Variants in CCDC192 observed in about 807,000 individuals in gnomAD.
CCDC192 encodes the protein coiled-coil domain containing 192.
At chr5:127,749,913 A>C (rs1754032828) in intron 2 of CCDC192, among the ~76,000 whole-genome samples, 2 of 152,134 alleles carry the variant, frequency 1.3e-5, no homozygotes. Context: ...AGGTGTTTAT[A>C]GTATTCTCTG....
At chr5:127,728,533 G>A (rs1752462416) in intron 2 of CCDC192, among the ~76,000 whole-genome samples, 1 of 152,186 alleles carries the variant, frequency 6.6e-6, no homozygotes, top group Admixed American at 6.5e-5. Context: ...CTTTGCAGGA[G>A]CTCCTGAAGG....
intron 6 of CCDC192, among the ~76,000 whole-genome samples, chr5:127,899,461 C>T (rs7725021): frequency 0.43 from 65,182 of 151,602 alleles, 14,309 homozygotes; most frequent in African/African-American, 0.46. Context: ...ATCATAAAGC[C>T]TCAAGGTTGG....
intron 3 of CCDC192, among the ~76,000 whole-genome samples, chr5:127,795,443 T>A (rs1432325875): frequency 6.6e-6 from 1 of 152,160 alleles, no homozygotes; most frequent in African/African-American, 2.4e-5. Flanking sequence ...CTCTGTTGTT[T>A]AAACTCATGT....
intron 6 of CCDC192, among the ~76,000 whole-genome samples, chr5:127,907,569 A>G (rs985132902): frequency 2.9e-4 from 44 of 152,188 alleles, no homozygotes; most frequent in African/African-American, 1.0e-3. Context: ...TGCTTTTAAA[A>G]TAAATGTTAA....
At position 127,798,099 on chromosome 5, in the gene CCDC192, T is replaced by G. The variant is rs977357051; in HGVS notation, c.355-7T>G. ...ATACTTAGTTTCTAAACTTTTCTCC[T>G]TTTCAGTGCATCCAGAAATTGCAAG... On this transcript the variant is annotated splice_polypyrimidine_tract_variant and splice_region_variant and intron_variant, in intron 4 of 6. Transcript: ENST00000514853. The G allele has an allele frequency of 5.0e-6, 2 of 398,148 alleles. No individual in the cohort carries two copies. The highest frequency in any genetic ancestry group is 4.1e-5 in the African/African-American group (2 of 48,584). The allele number at this position is 398,148 out of a possible 1,614,324, so 24.7% of individuals were successfully genotyped here. A position where few individuals can be genotyped will look rare whatever the true frequency, so the allele number is the denominator to read the frequency against.
chr5:127,821,910 T>C (rs993135829), intron 5 of CCDC192, among the ~76,000 whole-genome samples: 1 of 152,204 alleles, frequency 6.6e-6, no homozygotes, highest in Non-Finnish European at 1.5e-5. Flanking sequence ...TGAAGTTAAC[T>C]GTAAATATCT....
chr5:127,927,543 T>C (rs1753895612), intron 6 of CCDC192, among the ~76,000 whole-genome samples: 1 of 152,272 alleles, frequency 6.6e-6, no homozygotes, highest in African/African-American at 2.4e-5. Flanking sequence ...GAGTAATAGC[T>C]GAAAAGGCAT....
chr5:127,838,517 A>G (rs186216318), intron 5 of CCDC192: 1 of 152,342 alleles, frequency 6.6e-6, no homozygotes, highest in East Asian at 1.9e-4. Flanking sequence ...AAGGTGGAAT[A>G]GGTACAGAAT....
rs145444349 is a variant in CCDC192 at position 127,707,514 on chromosome 5, C to A, written c.63-195C>A. Among the ~76,000 whole-genome samples, 359 of 151,954 alleles carry A rather than the reference C, an allele frequency of 2.4e-3. 2 individuals are homozygous for A. The highest frequency in any genetic ancestry group is 8.1e-3 in the African/African-American group (336 of 41,428). Reference sequence around the variant, plus strand: ...CTTTTAAAGGCTATTTTATCTTCTGCGAGTAAAGTTTACATTCCATTATTT... The same window carrying A: ...CTTTTAAAGGCTATTTTATCTTCTGAGAGTAAAGTTTACATTCCATTATTT... On this transcript the variant is annotated intron_variant, in intron 1 of 6. Transcript: ENST00000514853.
chr5:127,922,222 T>G (rs73786966), intron 6 of CCDC192, among the ~76,000 whole-genome samples: 76 of 152,322 alleles, frequency 5.0e-4, no homozygotes, highest in African/African-American at 1.8e-3. Flanking sequence ...TTTCCATAAG[T>G]TTGATTTTTA....
intron 2 of CCDC192, among the ~76,000 whole-genome samples, chr5:127,739,117 G>A (rs1171669841): frequency 1.3e-5 from 2 of 152,066 alleles, no homozygotes; most frequent in Non-Finnish European, 2.9e-5. Context: ...TGGTGTGGAT[G>A]TCCTTTCTGT....
At chr5:127,805,958 G>A (rs963632984) in intron 5 of CCDC192, among the ~76,000 whole-genome samples, 3 of 152,040 alleles carry the variant, frequency 2.0e-5, no homozygotes, top group Non-Finnish European at 2.9e-5. Flanking sequence ...TTCTCTGTGC[G>A]CTCAGAAGAG....
intron 5 of CCDC192, among the ~76,000 whole-genome samples, chr5:127,846,237 C>T (rs1580742979): frequency 6.7e-6 from 1 of 149,420 alleles, no homozygotes; most frequent in African/African-American, 2.5e-5. Context: ...TGCAGTGAGC[C>T]AAGATCGTGC....
At chr5:127,872,642 T>C (rs535160589) in intron 5 of CCDC192, among the ~76,000 whole-genome samples, 2 of 152,292 alleles carry the variant, frequency 1.3e-5, no homozygotes, top group Admixed American at 6.5e-5. Context: ...ATGCATCCTA[T>C]CCTGTTCTGG....
chr5:127,927,791 C>A (rs540551055), intron 6 of CCDC192, among the ~76,000 whole-genome samples: 1 of 152,178 alleles, frequency 6.6e-6, no homozygotes, highest in Non-Finnish European at 1.5e-5. Flanking sequence ...AATGAGATTT[C>A]TGGCTCTCCT....
At chr5:127,871,291 A>C (rs1257023547) in intron 5 of CCDC192, among the ~76,000 whole-genome samples, 1 of 152,230 alleles carries the variant, frequency 6.6e-6, no homozygotes, top group Non-Finnish European at 1.5e-5. Flanking sequence ...CTTAATTTCT[A>C]AAAAAAGAAG....
At chr5:127,729,531 C>T (rs1752521459) in intron 2 of CCDC192, among the ~76,000 whole-genome samples, 1 of 152,198 alleles carries the variant, frequency 6.6e-6, no homozygotes, top group Non-Finnish European at 1.5e-5. Context: ...TGATATGTAT[C>T]TGCAGAACTC....
intron 3 of CCDC192, among the ~76,000 whole-genome samples, chr5:127,796,571 G>C (rs1332113991): frequency 6.6e-6 from 1 of 152,014 alleles, no homozygotes; most frequent in Non-Finnish European, 1.5e-5. Flanking sequence ...GAATTTTTTT[G>C]GTTGTGGCTT....
chr5:127,911,515 A>G (rs1753346500), intron 6 of CCDC192, among the ~76,000 whole-genome samples: 1 of 152,180 alleles, frequency 6.6e-6, no homozygotes, highest in South Asian at 2.1e-4. Flanking sequence ...TATTCTTCTC[A>G]GCACCATAAG....
Sources: allele counts gnomAD v4.1 joint callset (sites outside exome capture counted in the v4.1 genomes callset), GRCh38; gene constraint gnomAD v4.1.1; transcripts MANE v1.5; gene names NCBI Gene and HGNC (gene_info 2026-07-23, HGNC 2026-07-21).